CCDC12: variants seen among roughly 807,000 people sequenced by gnomAD.
CCDC12 encodes coiled-coil domain-containing protein 12.
A neutral mutation model predicts 25.7 loss-of-function variants in CCDC12; 28 were observed. The observed-to-expected ratio is 1.09, with a 90% CI of 0.81 to 1.50. The LOEUF (loss-of-function observed/expected upper bound fraction) is 1.50, where lower values mean the gene tolerates loss of function less well. Among genes scored for constraint, CCDC12 ranks in the 40% most tolerant of loss-of-function variants. CCDC12 has a pLI of 0.00. For synonymous variants in CCDC12, 75 were observed against 87.7 expected (o/e 0.86, Z 0.81); for missense variants, 198 against 210.0 (o/e 0.94, Z 0.35).
At chr3:46,935,767 C>G (rs902630512) in intron 2 of CCDC12, among the ~76,000 whole-genome samples, 5 of 152,150 alleles carry the variant, frequency 3.3e-5, no homozygotes, top group African/African-American at 9.7e-5. Flanking sequence ...AGAGCCTGGG[C>G]TGGTGGAGCT....
chr3:46,966,819 C>T (rs1050809626), intron 1 of CCDC12, among the ~76,000 whole-genome samples: 10 of 152,206 alleles, frequency 6.6e-5, no homozygotes, highest in African/African-American at 1.9e-4. Context: ...TGGCACCACA[C>T]ACTTCCCTGA....
intron 2 of CCDC12, among the ~76,000 whole-genome samples, chr3:46,935,862 A>G (rs1429778608): frequency 6.6e-6 from 1 of 152,248 alleles, no homozygotes; most frequent in East Asian, 1.9e-4. Context: ...CAAATTTTAA[A>G]AAGGAATCTG....
chr3:46,967,682 T>C (rs1372935109), intron 1 of CCDC12, among the ~76,000 whole-genome samples: 2 of 152,166 alleles, frequency 1.3e-5, no homozygotes, highest in East Asian at 1.9e-4. Flanking sequence ...TAGAAGCCCC[T>C]TGAGGCAAGG....
chr3:46,923,525 G>A lies in CCDC12; in HGVS notation c.306+82C>T, dbSNP rs368026014. ...GAATAAAGAAGTGACGAGAAGGAAT[G>A]GGGGGCAGAGGGAGAGCAAGTGGCG... On this transcript the variant is annotated intron_variant, in intron 4 of 6. Coordinates refer to ENST00000683445, the MANE Select transcript of CCDC12 (RefSeq NM_001277074.2). The A allele has an allele frequency of 4.7e-6, 7 of 1,478,802 alleles. No individual in the cohort carries two copies. The East Asian group carries it at 7.1e-5, about 15-fold the overall frequency. 91.6% of individuals were successfully genotyped at this position (1,478,802 alleles called of 1,614,324 possible).
At chr3:46,950,223 C>T (rs1338183446) in intron 1 of CCDC12, among the ~76,000 whole-genome samples, 1 of 152,058 alleles carries the variant, frequency 6.6e-6, no homozygotes, top group Admixed American at 6.6e-5. Flanking sequence ...AACAAGAACC[C>T]AGGACCCAGC....
At chr3:46,953,648 GAAA>G (rs527618724) in intron 1 of CCDC12, among the ~76,000 whole-genome samples, 1 of 105,374 alleles carries the variant, frequency 9.5e-6, no homozygotes, top group Non-Finnish European at 2.0e-5. Flanking sequence ...CTCAAGCTTG[GAAA>G]AAAAAAAAAA....
At chr3:46,948,961 C>A (rs1461624609) in intron 1 of CCDC12, among the ~76,000 whole-genome samples, 4 of 151,940 alleles carry the variant, frequency 2.6e-5, no homozygotes, top group African/African-American at 9.7e-5. Context: ...ATACTCCATG[C>A]TGGGTACTGA....
At chr3:46,973,691 C>A (rs2107206717) in intron 1 of CCDC12, among the ~76,000 whole-genome samples, 1 of 144,624 alleles carries the variant, frequency 6.9e-6, no homozygotes. Flanking sequence ...CAGCTCACTG[C>A]AAGCTCCGCC....
chr3:46,976,285 A>G lies in CCDC12; in HGVS notation c.96+352T>C, dbSNP rs2034985289. On this transcript the variant is annotated intron_variant, in intron 1 of 6. Coordinates refer to ENST00000683445, the MANE Select transcript of CCDC12 (RefSeq NM_001277074.2). ...GGGGGTTAAAGACCAGCTAGGCCATAGAGGAACGGAACAAATCACGCCTAA... is the reference window on the plus strand; with the variant it reads ...GGGGGTTAAAGACCAGCTAGGCCATGGAGGAACGGAACAAATCACGCCTAA... 6 of 1,126,306 alleles carry G rather than the reference A, an allele frequency of 5.3e-6. No homozygotes were observed. In the South Asian group the frequency reaches 7.6e-5, roughly 14 times the overall value. The allele number at this position is 1,126,306 out of a possible 1,614,324, so 69.8% of individuals were successfully genotyped here. A position where few individuals can be genotyped will look rare whatever the true frequency, so the allele number is the denominator to read the frequency against.
intron 1 of CCDC12, among the ~76,000 whole-genome samples, chr3:46,975,700 T>G (rs1350919476): frequency 6.8e-6 from 1 of 147,066 alleles, no homozygotes; most frequent in African/African-American, 2.5e-5. Context: ...CCGGCTAATT[T>G]TTTTGTATTT....
At chr3:46,971,630 A>G (rs2034805152) in intron 1 of CCDC12, among the ~76,000 whole-genome samples, 1 of 34,154 alleles carries the variant, frequency 2.9e-5, no homozygotes, top group South Asian at 2.3e-3. Flanking sequence ...AATATCACTA[A>G]ATTATGAGTT....
chr3:46,961,052 G>A (rs907347369), intron 1 of CCDC12, among the ~76,000 whole-genome samples: 2 of 151,762 alleles, frequency 1.3e-5, no homozygotes, highest in African/African-American at 4.8e-5. Context: ...AAGTGTGTGG[G>A]GTAGGGCCTG....
intron 2 of CCDC12, among the ~76,000 whole-genome samples, chr3:46,934,395 C>A (rs570266228): frequency 6.6e-6 from 1 of 152,372 alleles, no homozygotes; most frequent in Admixed American, 6.5e-5. Context: ...TCAGTGCCAG[C>A]TCCACTCCCT....
At position 46,922,272 on chromosome 3, in the gene CCDC12, T is replaced by A. The variant is rs753574554; in HGVS notation, c.382A>T (p.Lys128Ter). The change falls in exon 6 of 7, where the codon AAA (lysine) becomes TAA (stop). Residue 128 changes from lysine (K) to a stop codon, truncating the protein, a stop_gained. Transcript: ENST00000683445. LOFTEE classifies it high-confidence loss of function. ...GCAATGGCCCTCTGAGTCCGCTTTT[T>A]TAGTTTCTCCAGCTTCTTGGCCACA... Reference protein sequence around the residue: ...RDVAKKLEKLKKRTQRAIAEL... With the variant: ...RDVAKKLEKL 11 of 1,614,158 alleles carry A rather than the reference T, an allele frequency of 6.8e-6. No homozygotes were observed. Among genetic ancestry groups the A allele is most frequent in the Non-Finnish European group, 9.3e-6 (11 of 1,180,052 alleles).
intron 1 of CCDC12, among the ~76,000 whole-genome samples, chr3:46,946,338 C>T (rs149082785): frequency 2.7e-4 from 41 of 152,348 alleles, no homozygotes; most frequent in African/African-American, 9.4e-4. Context: ...GAAAGCTTTA[C>T]TAAATATCTT....
intron 1 of CCDC12, among the ~76,000 whole-genome samples, chr3:46,943,597 A>C (rs1000819111): frequency 6.6e-6 from 1 of 152,244 alleles, no homozygotes; most frequent in Non-Finnish European, 1.5e-5. Flanking sequence ...AGTGCTTTGC[A>C]AATACCATGC....
chr3:46,968,082 G>T (rs2034691835), intron 1 of CCDC12, among the ~76,000 whole-genome samples: 1 of 152,152 alleles, frequency 6.6e-6, no homozygotes, highest in South Asian at 2.1e-4. Flanking sequence ...AGAAGGAAAT[G>T]CTGGCTCACC....
At chr3:46,927,611 C>T (rs1397423428) in intron 2 of CCDC12, among the ~76,000 whole-genome samples, 5 of 152,172 alleles carry the variant, frequency 3.3e-5, no homozygotes, top group Non-Finnish European at 5.9e-5. Flanking sequence ...ACCCCCAGAG[C>T]GGAGCACTGG....
At position 46,923,348 on chromosome 3, in the gene CCDC12, C is replaced by T. The variant is rs1483002700; in HGVS notation, c.322G>A (p.Ala108Thr). 1.1e-5 allele frequency: 16 copies of T among 1,491,374 alleles called. No homozygotes were observed. The East Asian group carries it at 1.7e-4, about 16-fold the overall frequency. The allele number at this position is 1,491,374 out of a possible 1,614,324, so 92.4% of individuals were successfully genotyped here. A position where few individuals can be genotyped will look rare whatever the true frequency, so the allele number is the denominator to read the frequency against. ...ACTCACCAGTCAGGCTTCCGAGGAGCGAGGTTGGCCAGGTCCTGGGAAGGG... is the reference window on the plus strand; with the variant it reads ...ACTCACCAGTCAGGCTTCCGAGGAGTGAGGTTGGCCAGGTCCTGGGAAGGG... ...VIEEVDLANL[A>T]PRKPDWDLKR... The change falls in exon 5 of 7, where the codon GCT becomes ACT. Residue 108 changes from alanine to threonine, a missense_variant. Coordinates refer to ENST00000683445, the MANE Select transcript of CCDC12 (RefSeq NM_001277074.2).
Sources: allele counts gnomAD v4.1 joint callset (sites outside exome capture counted in the v4.1 genomes callset), GRCh38; gene constraint gnomAD v4.1.1; transcripts MANE v1.5; gene names NCBI Gene and HGNC (gene_info 2026-07-23, HGNC 2026-07-21).